SART1: variants seen among roughly 807,000 people sequenced by gnomAD.
SART1 encodes U4/U6.U5 tri-snRNP-associated protein 1.
Under a neutral mutation model 105.0 loss-of-function variants are expected in SART1, and 28 were observed. The observed-to-expected ratio is 0.27, with a 90% CI of 0.20 to 0.37. The LOEUF (loss-of-function observed/expected upper bound fraction) is 0.37, where lower values mean the gene tolerates loss of function less well. SART1 is among the 10% of genes least tolerant of loss of function. The pLI, the probability that SART1 is intolerant of heterozygous loss-of-function variation, is 1.00. For missense variants in SART1, 894 were observed against 1,106.5 expected (o/e 0.81, Z 2.72); for synonymous variants, 472 against 462.9 (o/e 1.02, Z -0.25).
intron 12 of SART1, among the ~76,000 whole-genome samples, chr11:65,971,058 G>A (rs143605991): frequency 1.0e-4 from 1 of 9,590 alleles, no homozygotes; most frequent in Non-Finnish European, 2.3e-4. Context: ...TGGGATTCAG[G>A]AGCTGAGGAG....
In SART1 at chr11:65,966,569, G is replaced by A. The variant is rs754935730; in HGVS notation, c.1188+13G>A. On this transcript the variant is annotated intron_variant, in intron 9 of 19. Coordinates refer to ENST00000312397, the MANE Select transcript of SART1 (RefSeq NM_005146.5). ...GCCTGAGGAGATGGTGAGCCCTCCC[G>A]TGCCTTATACTCGGGGTCAAGATTC... 26 of 1,494,074 alleles carry A rather than the reference G, an allele frequency of 1.7e-5. No individual in the cohort carries two copies. The highest frequency in any genetic ancestry group is 7.2e-5 in the Admixed American group (3 of 41,920). 92.6% of individuals were successfully genotyped at this position (1,494,074 alleles called of 1,614,324 possible).
In SART1 at chr11:65,961,956, G is replaced by C; in HGVS notation, c.176G>C (p.Arg59Pro). The C allele has an allele frequency of 6.6e-7, 1 of 1,525,216 alleles. No individual in the cohort carries two copies. The highest frequency in any genetic ancestry group is 8.8e-7 in the Non-Finnish European group (1 of 1,138,022). The allele number at this position is 1,525,216 out of a possible 1,614,324, so 94.5% of individuals were successfully genotyped here. ...GGERRKRSRE[R>P]GGERGSGRRG... is the part of the protein sequence containing the mutation. ...GAACGACGGAAGCGGAGCCGGGAAC[G>C]TGGGGGCGAGCGCGGGAGCGGGCGG... Residue 59 changes from arginine (R) to proline (P), a missense_variant, in exon 1 of 20, where the codon CGT becomes CCT. Physicochemically the swap from Arg to Pro is moderately radical, Grantham distance 103. Around this residue, in one of 2 missense-constraint regions of SART1, gnomAD observed 712 missense variants for 778.2 expected, o/e 0.91. Transcript: ENST00000312397.
At chr11:65,971,712 G>A (rs1052658673) in intron 12 of SART1, among the ~76,000 whole-genome samples, 1 of 151,990 alleles carries the variant, frequency 6.6e-6, no homozygotes, top group Non-Finnish European at 1.5e-5. Flanking sequence ...TTTCTAGGGA[G>A]GAGGGACAAG....
At chr11:65,967,231 C>A (rs1456876243) in intron 9 of SART1, 28 bp from the exon 10 acceptor site, 1 of 1,610,002 alleles carries the variant, frequency 6.2e-7, no homozygotes, top group Non-Finnish European at 8.5e-7. Context: ...GTGGCCCCCG[C>A]TCCATGTCTC....
chr11:65,965,363 G>A lies in SART1; in HGVS notation c.576G>A (p.Glu192=), dbSNP rs769859433. The A allele has an allele frequency of 1.3e-6, 2 of 1,590,906 alleles. No homozygotes were observed. Among genetic ancestry groups the A allele is most frequent in the Non-Finnish European group, 1.7e-6 (2 of 1,168,774 alleles). ...QKLGKIKTLG[E]DDPWLDDTAA... is the part of the protein sequence containing the mutation. ...TCAGGAAGATAAAGACCCTAGGAGAGGATGACCCCTGGCTGGACGACACTG... is the reference window on the plus strand; with the variant it reads ...TCAGGAAGATAAAGACCCTAGGAGAAGATGACCCCTGGCTGGACGACACTG... Residue 192 remains glutamate (E), a synonymous_variant, in exon 5 of 20, where the codon GAG becomes GAA. Coordinates refer to ENST00000312397, the MANE Select transcript of SART1 (RefSeq NM_005146.5).
rs1855516896 is a variant in SART1, at chr11:65,977,898, A to T, written c.2171A>T (p.Glu724Val). ...DETGRKLTPK[E>V]AFRQLSHRFH... is the part of the protein sequence containing the mutation. ...ACGGGCCGGAAACTCACACCCAAGG[A>T]GGTGAGCAGGGCCTTTTGCAGGCGG... Residue 724 changes from glutamate to valine, a missense_variant and splice_region_variant, in exon 17 of 20, where the codon GAG becomes GTG. By Grantham distance (121) the Glu-to-Val change is moderately radical (BLOSUM62 -2). Around this residue, in one of 2 missense-constraint regions of SART1, gnomAD observed 182 missense variants for 328.3 expected, o/e 0.55. Transcript: ENST00000312397. 6.2e-7 allele frequency: 1 copy of T among 1,608,504 alleles called. No homozygotes were observed.
intron 1 of SART1, among the ~76,000 whole-genome samples, chr11:65,962,619 C>T (rs909266728): frequency 2.0e-5 from 3 of 152,132 alleles, no homozygotes; most frequent in Admixed American, 1.3e-4. Context: ...TGTAGATTGT[C>T]TTGAGGATAG....
chr11:65,972,074 G>A (rs1015162370), intron 12 of SART1, among the ~76,000 whole-genome samples: 7 of 152,028 alleles, frequency 4.6e-5, no homozygotes, highest in African/African-American at 1.7e-4. Flanking sequence ...TATGAATTTA[G>A]GGGTTACACA....
intron 8 of SART1, 66 bp downstream of exon 8, chr11:65,966,284 G>A (rs774370584): frequency 2.5e-5 from 40 of 1,613,798 alleles, no homozygotes; most frequent in Non-Finnish European, 3.2e-5. Flanking sequence ...GGGCTCTGAG[G>A]AGGTGGTGGC....
chr11:65,975,101 C>CTTT (rs549348095), intron 12 of SART1, among the ~76,000 whole-genome samples: 5 of 128,140 alleles, frequency 3.9e-5, no homozygotes, highest in African/African-American at 1.2e-4. Context: ...TCCTGGAAGA[C>CTTT]TTTTTTTTTT....
At chr11:65,969,012 C>T (rs1855317236) in intron 12 of SART1, among the ~76,000 whole-genome samples, 4 of 152,234 alleles carry the variant, frequency 2.6e-5, no homozygotes, top group Non-Finnish European at 4.4e-5. Context: ...AAAGCGTGTC[C>T]AGGAGAGGGA....
chr11:65,977,052 G>A lies in SART1; in HGVS notation c.1896G>A (p.Pro632=), dbSNP rs185941895. 23 of 1,614,082 alleles carry A rather than the reference G, an allele frequency of 1.4e-5. No homozygotes were observed. Among genetic ancestry groups the A allele is most frequent in the African/African-American group, 4.0e-5 (3 of 75,056 alleles). The change falls in exon 15 of 20, where the codon CCG becomes CCA. Residue 632 remains proline, a synonymous_variant. Coordinates refer to ENST00000312397, the MANE Select transcript of SART1 (RefSeq NM_005146.5). ...ASSTTILDEE[P]IVNRGLAAAL... is the part of the protein sequence containing the mutation. ...CCACCACCATCCTGGACGAGGAACCGATCGTGAATAGGGGGCTGGCAGCTG... is the reference window on the plus strand; with the variant it reads ...CCACCACCATCCTGGACGAGGAACCAATCGTGAATAGGGGGCTGGCAGCTG...
rs537664596 is a variant in SART1, at chr11:65,979,284, G to A, written c.*254G>A. The A allele has an allele frequency of 4.0e-5, 24 of 594,996 alleles. 1 individual carries two copies. The highest frequency in any genetic ancestry group is 3.7e-4 in the South Asian group (18 of 48,684). The allele number at this position is 594,996 out of a possible 1,614,324, so 36.9% of individuals were successfully genotyped here. A position where few individuals can be genotyped will look rare whatever the true frequency, so the allele number is the denominator to read the frequency against. ...CTGTCGGTCACACCTCTGCAGGGCC[G>A]GCTCTCTGATAGAAAGTGGAAGGCG... On this transcript the variant is annotated 3_prime_UTR_variant, in exon 20 of 20. Coordinates refer to ENST00000312397, the MANE Select transcript of SART1 (RefSeq NM_005146.5).
chr11:65,964,408 G>A, intron 2 of SART1, 107 bp from the exon 3 acceptor site: 1 of 1,360,912 alleles, frequency 7.3e-7, no homozygotes. Context: ...CAGACTTTGT[G>A]TTTGGGACCA....
chr11:65,978,432 C>G lies in SART1; in HGVS notation c.2173-168C>G, dbSNP rs1383202778. 1.5e-6 allele frequency: 1 copy of G among 657,550 alleles called. No homozygotes were observed. The highest frequency in any genetic ancestry group is 1.8e-5 in the African/African-American group (1 of 55,804). 40.7% of individuals were successfully genotyped at this position (657,550 alleles called of 1,614,324 possible). A position where few individuals can be genotyped will look rare whatever the true frequency, so the allele number is the denominator to read the frequency against. On this transcript the variant is annotated intron_variant, in intron 17 of 19. Transcript: ENST00000312397. This position sits in a 1 kb window ranked among gnomAD's most constrained non-coding sequence, Gnocchi z 6.8. ...CTGGTCTCCCGGCCTCTGCTGGGGC[C>G]CTGCAGGGTGCCAGCGTCTGTGCTC... is the stretch of plus-strand genomic sequence containing the variant.
chr11:65,962,170 GTCAGCGAAGCTCT>G, intron 1 of SART1, 77 bp downstream of exon 1: 1 of 1,113,520 alleles, frequency 9.0e-7, no homozygotes, highest in Non-Finnish European at 1.2e-6. Flanking sequence ...TGCGCGCAGT[GTCAGCGAAGCTCT>G]TCAGGCCAGG....
Position 65,978,416 on chromosome 11 carries a change from C to T in SART1, c.2173-184C>T, listed in dbSNP as rs1030168856. ...GCATCCACTAGCCAAGCTGGTCTCC[C>T]GGCCTCTGCTGGGGCCCTGCAGGGT... is the stretch of plus-strand genomic sequence containing the variant. On this transcript the variant is annotated intron_variant, in intron 17 of 19. Transcript: ENST00000312397. This position sits in a 1 kb window ranked among gnomAD's most constrained non-coding sequence, Gnocchi z 6.8. 8 of 618,640 alleles carry T rather than the reference C, an allele frequency of 1.3e-5. No individual in the cohort carries two copies. Among genetic ancestry groups the T allele is most frequent in the Non-Finnish European group, 2.0e-5 (7 of 349,468 alleles). The allele number at this position is 618,640 out of a possible 1,614,324, so 38.3% of individuals were successfully genotyped here.
chr11:65,978,219 C>T lies in SART1; in HGVS notation c.2172+320C>T. The T allele has an allele frequency of 2.0e-6, 1 of 500,392 alleles. No individual in the cohort carries two copies. Among genetic ancestry groups the T allele is most frequent in the Non-Finnish European group, 3.6e-6 (1 of 276,384 alleles). The allele number at this position is 500,392 out of a possible 1,614,324, so 31.0% of individuals were successfully genotyped here. ...CTGGCCCGCAGGGCCATTCCAGCGT[C>T]CAGGCCCTTCCAGCACTCTCGTAGG... On this transcript the variant is annotated intron_variant, in intron 17 of 19. Coordinates refer to ENST00000312397, the MANE Select transcript of SART1 (RefSeq NM_005146.5). The surrounding 1 kb of genome is among the most constrained non-coding windows in gnomAD (Gnocchi z 6.8).
At position 65,965,740 on chromosome 11, in the gene SART1, C is replaced by T. The variant is rs1423329681; in HGVS notation, c.699C>T (p.Val233=). The change falls in exon 6 of 20, where the codon GTC becomes GTT. Residue 233 remains valine, a synonymous_variant. Transcript: ENST00000312397. ...LLEEMDQEFG[V]STLVEEEFGQ... ...AGGAGATGGACCAAGAGTTTGGTGTCAGCACTCTGGTGGAGGAGGAGTTCG... is the reference window on the plus strand; with the variant it reads ...AGGAGATGGACCAAGAGTTTGGTGTTAGCACTCTGGTGGAGGAGGAGTTCG... The T allele has an allele frequency of 6.2e-7, 1 of 1,614,018 alleles. No individual in the cohort carries two copies. The highest frequency in any genetic ancestry group is 1.3e-5 in the African/African-American group (1 of 75,022).
Sources: allele counts gnomAD v4.1 joint callset (sites outside exome capture counted in the v4.1 genomes callset), GRCh38; gene constraint gnomAD v4.1.1; regional missense constraint gnomAD v4.1.1; non-coding constraint Gnocchi (gnomAD v3.1); transcripts MANE v1.5; gene names NCBI Gene and HGNC (gene_info 2026-07-23, HGNC 2026-07-21).